The following ZFC3H1 variants were observed in gnomAD, a reference collection of about 807,000 sequenced individuals.
The protein encoded by ZFC3H1 is zinc finger C3H1-type containing, also known as zinc finger C3H1 domain-containing protein.
A neutral mutation model predicts 243.7 loss-of-function variants in ZFC3H1; 71 were observed. That is an observed-to-expected ratio of 0.29 (90% confidence interval 0.24 to 0.36). The LOEUF (loss-of-function observed/expected upper bound fraction) is 0.36. ZFC3H1 is among the 10% of genes least tolerant of loss of function. The pLI, the probability that ZFC3H1 is intolerant of heterozygous loss-of-function variation, is 1.00. For missense variants in ZFC3H1, 1,966 were observed against 2,317.1 expected (o/e 0.85, Z 3.11); for synonymous variants, 838 against 813.0 (o/e 1.03, Z -0.52).
In ZFC3H1 at chr12:71,612,322, G is replaced by A. The variant is rs201039202; in HGVS notation, c.5628-435C>T. ...AGTTCTTTATTCTCCTGGAAAAAAA[G>A]AACAGGGATGACCAGAGGAAATAAG... On this transcript the variant is annotated intron_variant, in intron 31 of 34. Coordinates refer to ENST00000378743, the MANE Select transcript of ZFC3H1 (RefSeq NM_144982.5). Among the ~76,000 whole-genome samples the A allele has an allele frequency of 1.3e-4, 20 of 152,120 alleles. No homozygotes were observed. In the East Asian group the frequency reaches 1.9e-3, roughly 15 times the overall value.
chr12:71,639,383 C>A, intron 6 of ZFC3H1: 1 of 226,146 alleles, frequency 4.4e-6, no homozygotes, highest in Non-Finnish European at 8.9e-6. Flanking sequence ...GATGTGGCTG[C>A]TGTGTCACAT....
intron 27 of ZFC3H1, among the ~76,000 whole-genome samples, chr12:71,615,599 C>G (rs1879875718): frequency 6.6e-6 from 1 of 152,166 alleles, no homozygotes; most frequent in African/African-American, 2.4e-5. Flanking sequence ...TCATTGCAAC[C>G]TCCACCTCCC....
intron 24 of ZFC3H1, 55 bp from the exon 25 acceptor site, chr12:71,620,370 T>G (rs543647742): frequency 7.6e-6 from 12 of 1,569,886 alleles, no homozygotes; most frequent in Non-Finnish European, 8.8e-6. Context: ...AATGAAATAT[T>G]TGACTGTGTT....
At chr12:71,634,069 A>G in intron 12 of ZFC3H1, 86 bp downstream of exon 12, 1 of 1,337,170 alleles carries the variant, frequency 7.5e-7, no homozygotes, top group East Asian at 2.3e-5. Context: ...GTATAATCTT[A>G]TAGTACGCTT....
In ZFC3H1 at chr12:71,627,845, C is replaced by A. The variant is rs1880209131; in HGVS notation, c.4036G>T (p.Asp1346Tyr). ...ACACTTGCTTCTAAATTAGCGATGT[C>A]ATCAGTCTCATTTGTAAAGTATCTG... ...DVRYFTNETD[D>Y]IANLEASVLE... Residue 1346 changes from aspartate (D) to tyrosine (Y), a missense_variant, in exon 21 of 35, where the codon GAC becomes TAC. This residue lies in a region of ZFC3H1 where 1,383 missense variants were observed against 1,723.7 expected (regional missense o/e 0.80). Transcript: ENST00000378743. The A allele has an allele frequency of 6.2e-7, 1 of 1,613,730 alleles. No individual in the cohort carries two copies.
intron 20 of ZFC3H1, among the ~76,000 whole-genome samples, 182 bp downstream of exon 20, chr12:71,628,736 A>G (rs576079220): frequency 1.3e-5 from 2 of 152,324 alleles, no homozygotes; most frequent in African/African-American, 4.8e-5. Context: ...ATATCCCGCA[A>G]TTTCAGAGGC....
chr12:71,653,824 T>C (rs557716325), intron 2 of ZFC3H1, among the ~76,000 whole-genome samples: 35 of 152,230 alleles, frequency 2.3e-4, no homozygotes, highest in African/African-American at 8.4e-4. Flanking sequence ...GAGACCAGAC[T>C]GGCCAACATG....
chr12:71,615,351 C>T (rs371016592), intron 27 of ZFC3H1, 35 bp from the exon 28 acceptor site: 1 of 1,303,944 alleles, frequency 7.7e-7, no homozygotes, highest in African/African-American at 1.5e-5. Context: ...TTTTAAATTA[C>T]ACCTACCCAC....
intron 27 of ZFC3H1, among the ~76,000 whole-genome samples, chr12:71,618,309 T>C (rs955392919): frequency 1.3e-5 from 2 of 151,620 alleles, no homozygotes; most frequent in African/African-American, 4.8e-5. Flanking sequence ...AAAAACAAGT[T>C]CTAGGTTGAA....
At chr12:71,634,075 C>T (rs535205144) in intron 12 of ZFC3H1, 80 bp downstream of exon 12, 35 of 1,371,538 alleles carry the variant, frequency 2.6e-5, no homozygotes, top group Middle Eastern at 1.9e-4. Context: ...TCTTATAGTA[C>T]GCTTATTAAT....
rs1187895618 is a variant in ZFC3H1, at chr12:71,619,960, A to G, written c.5015T>C (p.Val1672Ala). ...AFEKNPQNAEVFYHMCKFFIL... is the reference protein window; with the variant it reads ...AFEKNPQNAEAFYHMCKFFIL... ...GAAGAATTTGCACATATGATAAAAAACCTCTGCATTCTGAGGATTTTTTTC... is the reference window on the plus strand; with the variant it reads ...GAAGAATTTGCACATATGATAAAAAGCCTCTGCATTCTGAGGATTTTTTTC... Residue 1672 changes from valine (V) to alanine (A), a missense_variant, in exon 26 of 35, where the codon GTT becomes GCT. Transcript: ENST00000378743. 22 of 1,597,550 alleles carry G rather than the reference A, an allele frequency of 1.4e-5. No individual in the cohort carries two copies. The highest frequency in any genetic ancestry group is 1.8e-5 in the Non-Finnish European group (21 of 1,170,226).
chr12:71,619,477 G>GA (rs1000066041), intron 26 of ZFC3H1, 68 bp from the exon 27 acceptor site: 16 of 1,462,518 alleles, frequency 1.1e-5, no homozygotes, highest in Middle Eastern at 1.8e-4. Flanking sequence ...TCACGAGGGA[G>GA]AAAAAAAGCC....
Position 71,628,200 on chromosome 12 carries a change from C to T in ZFC3H1, c.3947-266G>A, listed in dbSNP as rs576147310. Reference sequence around the variant, plus strand: ...GCTATTTTAAGGCTAAGTGACATTACCTTTTCAGTCCACTTAACAGTAACT... The same window carrying T: ...GCTATTTTAAGGCTAAGTGACATTATCTTTTCAGTCCACTTAACAGTAACT... On this transcript the variant is annotated intron_variant, in intron 20 of 34. Transcript: ENST00000378743. Among the ~76,000 whole-genome samples the T allele has an allele frequency of 3.3e-5, 5 of 152,266 alleles. No homozygotes were observed. In the South Asian group the frequency reaches 1.0e-3, roughly 32 times the overall value.
intron 2 of ZFC3H1, among the ~76,000 whole-genome samples, chr12:71,648,658 T>C (rs1880791123): frequency 6.6e-6 from 1 of 152,240 alleles, no homozygotes; most frequent in Non-Finnish European, 1.5e-5. Flanking sequence ...ACGTGACTTA[T>C]TCAATAAATA....
At chr12:71,614,263 T>C (rs1176070584) in intron 30 of ZFC3H1, among the ~76,000 whole-genome samples, 1 of 143,746 alleles carries the variant, frequency 7.0e-6, no homozygotes, top group Non-Finnish European at 1.5e-5. Context: ...TTCATTAATA[T>C]GTATTACATC....
At chr12:71,641,256 A>C (rs980763730) in intron 6 of ZFC3H1, among the ~76,000 whole-genome samples, 7 of 152,212 alleles carry the variant, frequency 4.6e-5, no homozygotes, top group Non-Finnish European at 8.8e-5. Flanking sequence ...AGCAAGTTAA[A>C]TTGTGTTATC....
intron 7 of ZFC3H1, among the ~76,000 whole-genome samples, 169 bp downstream of exon 7, chr12:71,638,249 G>A (rs967143779): frequency 1.3e-5 from 2 of 152,094 alleles, no homozygotes; most frequent in Admixed American, 6.6e-5. Context: ...CTACCAAATG[G>A]ATAGCTTGCT....
In ZFC3H1 at chr12:71,636,541, T is replaced by C; in HGVS notation, c.2049A>G (p.Ile683Met). 6.2e-7 allele frequency: 1 copy of C among 1,611,506 alleles called. No individual in the cohort carries two copies. The highest frequency in any genetic ancestry group is 8.5e-7 in the Non-Finnish European group (1 of 1,178,856). Residue 683 changes from isoleucine (I) to methionine (M), a missense_variant, in exon 9 of 35, where the codon ATA (isoleucine) becomes ATG (methionine). Physicochemically the swap from Ile to Met is conservative, Grantham distance 10 (BLOSUM62 1). Coordinates refer to ENST00000378743, the MANE Select transcript of ZFC3H1 (RefSeq NM_144982.5). ...VSINTVSQPR[I>M]QNPKFHRGPR... ...GTCCTCTGTGAAACTTTGGATTCTGTATCCTAGGCTGAGACACTGTGTTAA... is the reference window on the plus strand; with the variant it reads ...GTCCTCTGTGAAACTTTGGATTCTGCATCCTAGGCTGAGACACTGTGTTAA...
chr12:71,633,432 G>A lies in ZFC3H1; in HGVS notation c.2517C>T (p.Leu839=). The A allele has an allele frequency of 6.4e-7, 1 of 1,559,244 alleles. No homozygotes were observed. The highest frequency in any genetic ancestry group is 8.7e-7 in the Non-Finnish European group (1 of 1,155,514). ...AESKLKKHRI[L]LMKDESVLKN... ...TTAAAACAGATTCATCTTTCATCAA[G>A]AGAATCCTAAATGAGAAATAACAAA... Residue 839 remains leucine (L), a synonymous_variant, in exon 13 of 35, where the codon CTC becomes CTT. Coordinates refer to ENST00000378743, the MANE Select transcript of ZFC3H1 (RefSeq NM_144982.5).
Sources: gnomAD v4.1 joint callset for allele counts (sites outside exome capture counted in the v4.1 genomes callset) on GRCh38, gnomAD v4.1.1 for gene constraint, gnomAD v4.1.1 regional missense constraint, MANE v1.5 for transcripts, NCBI Gene and HGNC (gene_info 2026-07-23, HGNC 2026-07-21) for gene names.